Variants in C19orf12 observed in about 807,000 individuals in gnomAD.
C19orf12 encodes the protein protein C19orf12.
C19orf12 carries 2 observed loss-of-function variants against 3.8 expected under a neutral mutation model. The ratio of observed to expected loss-of-function variants is 0.53; its 90% CI spans 0.22 to 1.66. The LOEUF is 1.66. Among genes scored for constraint, C19orf12 ranks in the 40% most tolerant of loss-of-function variants. C19orf12 has a pLI of 0.20. For missense variants in C19orf12, 156 were observed against 188.8 expected (o/e 0.83, Z 1.02); for synonymous variants, 89 against 84.6 (o/e 1.05, Z -0.28).
Position 29,700,320 on chromosome 19 carries a change from T to C in C19orf12, c.*2392A>G, listed in dbSNP as rs1448557216. On this transcript the variant is annotated 3_prime_UTR_variant, in exon 3 of 3. Coordinates refer to ENST00000323670, the MANE Select transcript of C19orf12 (RefSeq NM_031448.6). ...CGGAGAAGTTGGCATTTGTTCAACA[T>C]GGAAAAAGTGTCCCCCAACTTTGAA... The C allele has an allele frequency of 2.2e-5, 10 of 454,030 alleles. No individual in the cohort carries two copies. The highest frequency in any genetic ancestry group is 4.0e-5 in the Non-Finnish European group (9 of 226,798). 28.1% of individuals were successfully genotyped at this position (454,030 alleles called of 1,614,324 possible). A position where few individuals can be genotyped will look rare whatever the true frequency, so the allele number is the denominator to read the frequency against.
chr19:29,700,389 T>A lies in C19orf12; in HGVS notation c.*2323A>T, dbSNP rs897790668. ...TTGTTGAGGTTTCATTCTCACGATA[T>A]CTGCAAATCAACGTTTTTTCCTTCA... On this transcript the variant is annotated 3_prime_UTR_variant, in exon 3 of 3. Coordinates refer to ENST00000323670, the MANE Select transcript of C19orf12 (RefSeq NM_031448.6). 5 of 454,150 alleles carry A rather than the reference T, an allele frequency of 1.1e-5. No homozygotes were observed. Among genetic ancestry groups the A allele is most frequent in the Non-Finnish European group, 2.2e-5 (5 of 226,796 alleles). The allele number at this position is 454,150 out of a possible 1,614,324, so 28.1% of individuals were successfully genotyped here.
rs1278146406 is a variant in C19orf12, at chr19:29,702,403, C to A, written c.*309G>T. The A allele has an allele frequency of 3.5e-6, 2 of 575,190 alleles. No individual in the cohort carries two copies. The highest frequency in any genetic ancestry group is 3.9e-5 in the East Asian group (1 of 25,360). The allele number at this position is 575,190 out of a possible 1,614,324, so 35.6% of individuals were successfully genotyped here. ...GCGTGATCACTTCCCCAGACCCATGCGGGTGAGAGGACTCAGCAGACGCCT... is the reference window on the plus strand; with the variant it reads ...GCGTGATCACTTCCCCAGACCCATGAGGGTGAGAGGACTCAGCAGACGCCT... On this transcript the variant is annotated 3_prime_UTR_variant, in exon 3 of 3. Coordinates refer to ENST00000323670, the MANE Select transcript of C19orf12 (RefSeq NM_031448.6).
intron 1 of C19orf12, among the ~76,000 whole-genome samples, chr19:29,712,329 C>T (rs565632847): frequency 3.9e-5 from 6 of 152,120 alleles, no homozygotes; most frequent in African/African-American, 1.4e-4. Flanking sequence ...CCACTTGAAC[C>T]CGGGAGGTGG....
intron 2 of C19orf12, 105 bp downstream of exon 2, chr19:29,708,149 G>T: frequency 2.0e-6 from 3 of 1,523,046 alleles, no homozygotes; most frequent in Non-Finnish European, 2.7e-6. Flanking sequence ...AAAGTGCTGG[G>T]ATTACAGGCA....
Position 29,715,146 on chromosome 19 carries a change from C to T in C19orf12, c.-32G>A. The T allele has an allele frequency of 3.5e-6, 2 of 576,472 alleles. No individual in the cohort carries two copies. The highest frequency in any genetic ancestry group is 6.1e-6 in the Non-Finnish European group (2 of 325,448). 35.7% of individuals were successfully genotyped at this position (576,472 alleles called of 1,614,324 possible). ...TTACCTGGGGGAGCGGAGGTCTACG[C>T]GGCGCGCTCGGCGATCAGACGCGGC... On this transcript the variant is annotated 5_prime_UTR_variant, in exon 1 of 3. Transcript: ENST00000323670.
chr19:29,713,479 T>C (rs1972789639), intron 1 of C19orf12, among the ~76,000 whole-genome samples: 1 of 151,770 alleles, frequency 6.6e-6, no homozygotes, highest in Admixed American at 6.6e-5. Flanking sequence ...TTGTAAGAGA[T>C]AAGGGAGAGG....
In C19orf12 at chr19:29,701,312, T is replaced by C. The variant is rs1342106386; in HGVS notation, c.*1400A>G. The C allele has an allele frequency of 4.4e-6, 2 of 454,044 alleles. No individual in the cohort carries two copies. The highest frequency in any genetic ancestry group is 4.4e-6 in the Non-Finnish European group (1 of 226,814). The allele number at this position is 454,044 out of a possible 1,614,324, so 28.1% of individuals were successfully genotyped here. A position where few individuals can be genotyped will look rare whatever the true frequency, so the allele number is the denominator to read the frequency against. On this transcript the variant is annotated 3_prime_UTR_variant, in exon 3 of 3. Coordinates refer to ENST00000323670, the MANE Select transcript of C19orf12 (RefSeq NM_031448.6). ...ACCCTCAGACACCGACATCTGAGGA[T>C]GCTCAAGTCCCTGATGGGCAATGGC...
chr19:29,700,750 T>C lies in C19orf12; in HGVS notation c.*1962A>G, dbSNP rs1309153918. The C allele has an allele frequency of 6.6e-6, 3 of 454,020 alleles. No individual in the cohort carries two copies. The highest frequency in any genetic ancestry group is 1.3e-5 in the Non-Finnish European group (3 of 226,808). 28.1% of individuals were successfully genotyped at this position (454,020 alleles called of 1,614,324 possible). ...GCTCTGCAAGAGAAAGGCTCGGCCC[T>C]TCCTTAATCACCATGGGTTATAATT... On this transcript the variant is annotated 3_prime_UTR_variant, in exon 3 of 3. Transcript: ENST00000323670.
At chr19:29,708,889 G>A (rs964033654) in intron 1 of C19orf12, among the ~76,000 whole-genome samples, 11 of 152,152 alleles carry the variant, frequency 7.2e-5, no homozygotes, top group African/African-American at 2.7e-4. Flanking sequence ...GTGACCACAC[G>A]GGCACTGACC....
chr19:29,715,061 GC>G (rs1206925666), intron 1 of C19orf12, 63 bp downstream of exon 1: 3 of 638,994 alleles, frequency 4.7e-6, no homozygotes, highest in African/African-American at 3.8e-5. Flanking sequence ...CTCTTGGGGT[GC>G]CCCCTCCTCT....
In C19orf12 at chr19:29,701,997, G is replaced by A. The variant is rs1972111413; in HGVS notation, c.*715C>T. ...CCCACAATATCTCCGAGATATACCT[G>A]TACTTTTTACTAAAAATATTTCATT... On this transcript the variant is annotated 3_prime_UTR_variant, in exon 3 of 3. Transcript: ENST00000323670. 1 of 453,454 alleles carries A rather than the reference G, an allele frequency of 2.2e-6. No individual in the cohort carries two copies. The highest frequency in any genetic ancestry group is 4.4e-6 in the Non-Finnish European group (1 of 226,304). The allele number at this position is 453,454 out of a possible 1,614,324, so 28.1% of individuals were successfully genotyped here.
At chr19:29,711,045 T>TG (rs1972643365) in intron 1 of C19orf12, among the ~76,000 whole-genome samples, 1 of 144,146 alleles carries the variant, frequency 6.9e-6, no homozygotes, top group Admixed American at 6.9e-5. Context: ...GGTTTTTTTT[T>TG]TTTTTTTTTT....
intron 1 of C19orf12, among the ~76,000 whole-genome samples, chr19:29,713,254 C>CCA (rs1006234261): frequency 2.1e-5 from 3 of 146,244 alleles, no homozygotes; most frequent in African/African-American, 7.5e-5. Context: ...GAGTGTGGCT[C>CCA]CCCCTCCCCC....
At chr19:29,714,554 G>T (rs935980257) in intron 1 of C19orf12, among the ~76,000 whole-genome samples, 2 of 152,002 alleles carry the variant, frequency 1.3e-5, no homozygotes, top group Non-Finnish European at 2.9e-5. Flanking sequence ...AAGCATTAAC[G>T]ACCCTTCCTG....
In C19orf12 at chr19:29,708,256, ACGGCGAGTCC is replaced by A; in HGVS notation, c.148_157del (p.Gly50LeufsTer9). 1 of 1,610,998 alleles carries A rather than the reference ACGGCGAGTCC, an allele frequency of 6.2e-7. No individual in the cohort carries two copies. Among genetic ancestry groups the A allele is most frequent in the Non-Finnish European group, 8.5e-7 (1 of 1,179,904 alleles). ...CTCTGTGAGACACCTGCACTTACCA[ACGGCGAGTCC>A]CGGTGGGCCGCCCACCAAACCCCCG... is the stretch of plus-strand genomic sequence containing the variant. On this transcript the variant is annotated frameshift_variant, in exon 2 of 3. Transcript: ENST00000323670. LOFTEE classifies it high-confidence loss of function.
Position 29,708,321 on chromosome 19 carries a change from A to G in C19orf12, c.93T>C (p.Gly31=). The change falls in exon 2 of 3, where the codon GGT becomes GGC. Residue 31 remains glycine (G), a synonymous_variant. Transcript: ENST00000323670. ...AGGCCATGGCCCCTGTGACCAGGGC[A>G]CCCTTCCCAGAGTGCTTGACAGCCG... ...MKAAVKHSGK[G]ALVTGAMAFV... The G allele has an allele frequency of 6.2e-7, 1 of 1,613,742 alleles. No homozygotes were observed. The highest frequency in any genetic ancestry group is 8.5e-7 in the Non-Finnish European group (1 of 1,179,932).
rs370529654 is a variant in C19orf12, at chr19:29,708,279, C to A, written c.135G>T (p.Val45=). Residue 45 remains valine (V), a synonymous_variant, in exon 2 of 3, where the codon GTG becomes GTT. Coordinates refer to ENST00000323670, the MANE Select transcript of C19orf12 (RefSeq NM_031448.6). ...TGAMAFVGGL[V]GGPPGLAVGG... is the part of the protein sequence containing the mutation. ...CAACGGCGAGTCCCGGTGGGCCGCC[C>A]ACCAAACCCCCGACGAAGGCCATGG... 6.2e-7 allele frequency: 1 copy of A among 1,613,194 alleles called. No homozygotes were observed. Among genetic ancestry groups the A allele is most frequent in the South Asian group, 1.1e-5 (1 of 91,074 alleles).
At chr19:29,708,227 C>A in intron 2 of C19orf12, 27 bp downstream of exon 2, 1 of 1,607,652 alleles carries the variant, frequency 6.2e-7, no homozygotes, top group Non-Finnish European at 8.5e-7. Context: ...CCGAGGCTGG[C>A]TATCTCTGTG....
intron 1 of C19orf12, among the ~76,000 whole-genome samples, chr19:29,711,908 G>A (rs888797386): frequency 3.3e-5 from 5 of 152,166 alleles, no homozygotes; most frequent in Non-Finnish European, 5.9e-5. Context: ...AATGTGAGAG[G>A]AGAGAGAGAA....
Sources: gnomAD v4.1 joint callset for allele counts (sites outside exome capture counted in the v4.1 genomes callset) on GRCh38, gnomAD v4.1.1 for gene constraint, MANE v1.5 for transcripts, NCBI Gene and HGNC (gene_info 2026-07-23, HGNC 2026-07-21) for gene names.